Variants in BFSP2 observed in about 807,000 individuals in gnomAD.
BFSP2 encodes phakinin.
A neutral mutation model predicts 44.9 loss-of-function variants in BFSP2; 38 were observed. The ratio of observed to expected loss-of-function variants is 0.85; its 90% CI spans 0.65 to 1.11. BFSP2 has a LOEUF of 1.11. Among genes scored for constraint, BFSP2 ranks in the 50% least tolerant of loss-of-function variants. BFSP2 has a pLI of 0.00. For missense variants in BFSP2, 525 were observed against 533.0 expected, an observed-to-expected ratio of 0.99 and a Z score of 0.15; for synonymous variants, 197 against 209.9, an observed-to-expected ratio of 0.94 and a Z score of 0.53.
chr3:133,411,180 GAA>G (rs10599643), intron 1 of BFSP2, among the ~76,000 whole-genome samples: 68,194 of 129,024 alleles, frequency 0.53, 17,262 homozygotes, highest in Middle Eastern at 0.59. Context: ...GTATAACACC[GAA>G]AAAAAAAAAA....
chr3:133,462,187 A>C (rs2074070569), intron 4 of BFSP2, among the ~76,000 whole-genome samples: 3 of 152,222 alleles, frequency 2.0e-5, no homozygotes, highest in Admixed American at 2.0e-4. Context: ...TTCCATTTTA[A>C]ACTAACCTAC....
intron 4 of BFSP2, among the ~76,000 whole-genome samples, chr3:133,461,605 A>G (rs12632048): frequency 0.18 from 27,570 of 152,194 alleles, 3,123 homozygotes; most frequent in African/African-American, 0.31. Context: ...AAACAGAAAT[A>G]GAGTTATAAT....
At chr3:133,464,583 T>G (rs1402233826) in intron 4 of BFSP2, among the ~76,000 whole-genome samples, 1 of 152,242 alleles carries the variant, frequency 6.6e-6, no homozygotes, top group Non-Finnish European at 1.5e-5. Flanking sequence ...CATTTAACTA[T>G]TACCACTTTG....
intron 1 of BFSP2, among the ~76,000 whole-genome samples, chr3:133,408,063 A>T (rs2073418596): frequency 6.6e-6 from 1 of 152,206 alleles, no homozygotes; most frequent in African/African-American, 2.4e-5. Flanking sequence ...TCAAAATATC[A>T]CCATAAGCAA....
chr3:133,457,902 C>T (rs1671043591), intron 4 of BFSP2, among the ~76,000 whole-genome samples: 1 of 152,218 alleles, frequency 6.6e-6, no homozygotes, highest in African/African-American at 2.4e-5. Flanking sequence ...TACTGCTGGG[C>T]ACTGAGGGTG....
chr3:133,473,730 C>A (rs1272501174), intron 6 of BFSP2, among the ~76,000 whole-genome samples: 3 of 151,686 alleles, frequency 2.0e-5, no homozygotes, highest in Non-Finnish European at 4.4e-5. Context: ...ATCCATTTAA[C>A]CCTGAGTGGA....
In BFSP2 at chr3:133,466,849, A is replaced by C. The variant is rs1202045938; in HGVS notation, c.913A>C (p.Met305Leu). 2 of 1,613,834 alleles carry C rather than the reference A, an allele frequency of 1.2e-6. No individual in the cohort carries two copies. Among genetic ancestry groups the C allele is most frequent in the African/African-American group, 1.3e-5 (1 of 74,954 alleles). Residue 305 changes from methionine (M) to leucine (L), a missense_variant, in exon 5 of 7, where the codon ATG becomes CTG. Transcript: ENST00000302334. ...ACAGCAACAGGCGGAGGTGGCCCAC[A>C]TGTCCCAGACCCAGGAGGAGAAGCT... ...QAKQQAEVAHMSQTQEEKLAA... is the reference protein window; with the variant it reads ...QAKQQAEVAHLSQTQEEKLAA...
At chr3:133,455,690 C>G (rs1318742811) in intron 4 of BFSP2, 2 of 152,202 alleles carry the variant, frequency 1.3e-5, no homozygotes, top group African/African-American at 4.8e-5. Flanking sequence ...CCAGGCCCCT[C>G]AGTGTTGAGC....
At chr3:133,408,637 T>C (rs2073423814) in intron 1 of BFSP2, among the ~76,000 whole-genome samples, 1 of 152,218 alleles carries the variant, frequency 6.6e-6, no homozygotes, top group African/African-American at 2.4e-5. Context: ...AGGAGGGGAC[T>C]CGTTGAATAA....
chr3:133,411,156 C>T (rs2073448501), intron 1 of BFSP2, among the ~76,000 whole-genome samples: 1 of 139,072 alleles, frequency 7.2e-6, no homozygotes, highest in Non-Finnish European at 1.5e-5. Flanking sequence ...GATTGAAATC[C>T]ATCAAATATG....
chr3:133,441,569 G>GA (rs2073845723), intron 1 of BFSP2, among the ~76,000 whole-genome samples: 1 of 152,154 alleles, frequency 6.6e-6, no homozygotes, highest in South Asian at 2.1e-4. Context: ...TCTCAGGTTG[G>GA]AGCTAGGTAA....
chr3:133,406,689 T>C (rs2073407471), intron 1 of BFSP2, among the ~76,000 whole-genome samples: 1 of 152,106 alleles, frequency 6.6e-6, no homozygotes, highest in Non-Finnish European at 1.5e-5. Context: ...AAGGAAACAC[T>C]AGGCCTTCCA....
At chr3:133,436,061 T>A (rs1279506885) in intron 1 of BFSP2, among the ~76,000 whole-genome samples, 1 of 152,126 alleles carries the variant, frequency 6.6e-6, no homozygotes, top group Admixed American at 6.5e-5. Context: ...TTTATTTTGG[T>A]GCAAAAAAAT....
intron 4 of BFSP2, among the ~76,000 whole-genome samples, chr3:133,460,830 T>C (rs555454586): frequency 2.0e-5 from 3 of 152,252 alleles, no homozygotes; most frequent in Admixed American, 1.3e-4. Context: ...GGCAGGTAGC[T>C]GCATTCTGCA....
At chr3:133,431,123 T>A (rs1168390098) in intron 1 of BFSP2, among the ~76,000 whole-genome samples, 2 of 152,100 alleles carry the variant, frequency 1.3e-5, no homozygotes, top group African/African-American at 4.8e-5. Flanking sequence ...CCCTAGACCC[T>A]AAAAGGTCAA....
chr3:133,462,832 C>T (rs532969691), intron 4 of BFSP2, among the ~76,000 whole-genome samples: 1 of 152,230 alleles, frequency 6.6e-6, no homozygotes, highest in South Asian at 2.1e-4. Context: ...ACAAAAAATG[C>T]TTGATTACTA....
intron 1 of BFSP2, among the ~76,000 whole-genome samples, chr3:133,413,022 A>T (rs2073471585): frequency 6.6e-6 from 1 of 152,154 alleles, no homozygotes; most frequent in South Asian, 2.1e-4. Flanking sequence ...GTTTCTTAGA[A>T]AGTGGAGGGC....
chr3:133,446,804 G>A (rs1042014496), intron 1 of BFSP2, among the ~76,000 whole-genome samples: 5 of 150,678 alleles, frequency 3.3e-5, no homozygotes, highest in South Asian at 2.1e-4. Flanking sequence ...TGGGGGAGAC[G>A]AAACTCTAGA....
intron 5 of BFSP2, among the ~76,000 whole-genome samples, chr3:133,467,396 T>C (rs924540252): frequency 4.6e-5 from 7 of 152,186 alleles, no homozygotes; most frequent in Admixed American, 2.0e-4. Flanking sequence ...GAGCTCTCCA[T>C]AGGACCAGGC....
Sources: allele counts gnomAD v4.1 joint callset (sites outside exome capture counted in the v4.1 genomes callset), GRCh38; gene constraint gnomAD v4.1.1; transcripts MANE v1.5; gene names NCBI Gene and HGNC (gene_info 2026-07-23, HGNC 2026-07-21).